Variants in MAPK6 observed in about 807,000 individuals in gnomAD.
The protein encoded by MAPK6 is ERK-3.
In MAPK6, 19 loss-of-function variants were observed where a neutral mutation model predicts 59.3. That is an observed-to-expected ratio of 0.32 (90% CI 0.22 to 0.47). MAPK6 has a LOEUF of 0.47. Ranked by LOEUF, MAPK6 falls within the 20% of genes least tolerant of loss-of-function variation. The pLI is 1.00. For missense variants in MAPK6, 724 were observed against 847.9 expected, an observed-to-expected ratio of 0.85 and a Z score of 1.81; for synonymous variants, 316 against 290.3, an observed-to-expected ratio of 1.09 and a Z score of -0.90.
chr15:52,036,839 CT>C (rs1037724739), intron 1 of MAPK6, among the ~76,000 whole-genome samples: 1 of 151,550 alleles, frequency 6.6e-6, no homozygotes, highest in Non-Finnish European at 1.5e-5. Context: ...CTCCCCTCCC[CT>C]TTTTTTGTGA....
upstream of MAPK6, among the ~76,000 whole-genome samples, chr15:52,016,070 G>GCGCGCGCACACA: frequency 0.012 from 666 of 55,440 alleles, 23 homozygotes; most frequent in South Asian, 0.018. Context: ...GCGCGCGCGC[G>GCGCGCGCACACA]CACACACACA....
intron 2 of MAPK6, among the ~76,000 whole-genome samples, chr15:51,997,590 C>CT (rs747963086): frequency 0.04 from 5,339 of 135,038 alleles, 253 homozygotes; most frequent in African/African-American, 0.094. Flanking sequence ...TTCTTTCTTT[C>CT]TTTTTTTTTT....
At chr15:52,024,402 C>CTT (rs1197373755) in intron 1 of MAPK6, among the ~76,000 whole-genome samples, 8 of 139,240 alleles carry the variant, frequency 5.7e-5, no homozygotes, top group African/African-American at 1.0e-4. Flanking sequence ...TTTTCTTTTT[C>CTT]TTTTTTTTTT....
At chr15:52,017,944 C>T (rs1197980672), upstream of MAPK6, 1 of 152,156 alleles carries the variant, frequency 6.6e-6, no homozygotes, top group Non-Finnish European at 1.5e-5. Flanking sequence ...ATTACCTCTT[C>T]TTCACACCTG....
chr15:52,022,682 A>T (rs2030582550), intron 1 of MAPK6, among the ~76,000 whole-genome samples: 1 of 152,166 alleles, frequency 6.6e-6, no homozygotes, highest in South Asian at 2.1e-4. Flanking sequence ...AAAATTTCCT[A>T]CTAGAGGAAA....
chr15:52,029,298 A>G (rs1343333633), intron 1 of MAPK6, among the ~76,000 whole-genome samples: 3 of 152,030 alleles, frequency 2.0e-5, no homozygotes, highest in African/African-American at 4.8e-5. Flanking sequence ...GGCATAAGCC[A>G]CTGCACCTAG....
intron 3 of MAPK6, among the ~76,000 whole-genome samples, chr15:52,057,941 C>T (rs536850918): frequency 3.3e-5 from 5 of 152,284 alleles, no homozygotes; most frequent in Non-Finnish European, 5.9e-5. Flanking sequence ...TGTTTTGTTT[C>T]ATAACTGTAT....
chr15:52,011,675 A>C (rs887343793), intron 3 of MAPK6, among the ~76,000 whole-genome samples: 1 of 152,198 alleles, frequency 6.6e-6, no homozygotes, highest in Non-Finnish European at 1.5e-5. Context: ...TTCCCCTAGG[A>C]GCAGGGTTCA....
intron 2 of MAPK6, among the ~76,000 whole-genome samples, chr15:51,996,121 TACCTTC>T (rs1292095730): frequency 1.1e-4 from 16 of 152,184 alleles, no homozygotes; most frequent in African/African-American, 3.9e-4. Context: ...ATTATCCATT[TACCTTC>T]ACAACAAGGC....
chr15:52,025,115 C>T (rs1355211277), intron 1 of MAPK6, among the ~76,000 whole-genome samples: 1 of 152,014 alleles, frequency 6.6e-6, no homozygotes, highest in Non-Finnish European at 1.5e-5. Flanking sequence ...GTGGTGCACA[C>T]CTTTAGTCCC....
At chr15:51,998,274 G>T (rs1274930573) in intron 2 of MAPK6, among the ~76,000 whole-genome samples, 2 of 149,042 alleles carry the variant, frequency 1.3e-5, no homozygotes, top group Non-Finnish European at 3.0e-5. Context: ...GCACAATCTC[G>T]GCTCACTGCA....
Position 52,066,689 on chromosome 15 carries a change from AATTCT to A in MAPK6, c.*1693_*1697del, listed in dbSNP as rs2032430681. ...TTTCATCCTTGTTTTGTACAACACC[AATTCT>A]ATTAATATCTGCCCACCTACCTTCT... On this transcript the variant is annotated 3_prime_UTR_variant, in exon 6 of 6. Transcript: ENST00000261845. The A allele has an allele frequency of 1.3e-5, 2 of 151,796 alleles. No individual in the cohort carries two copies. The highest frequency in any genetic ancestry group is 1.9e-4 in the East Asian group (1 of 5,166). The allele number at this position is 151,796 out of a possible 1,614,324, so 9.4% of individuals were successfully genotyped here. A position where few individuals can be genotyped will look rare whatever the true frequency, so the allele number is the denominator to read the frequency against.
chr15:52,007,466 A>T (rs1175806264), intron 3 of MAPK6, among the ~76,000 whole-genome samples: 1 of 152,226 alleles, frequency 6.6e-6, no homozygotes, highest in Non-Finnish European at 1.5e-5. Context: ...GACTTGTTAC[A>T]GTGTTTTAAA....
intron 1 of MAPK6, among the ~76,000 whole-genome samples, chr15:52,039,333 C>A (rs1362437934): frequency 6.6e-6 from 1 of 152,044 alleles, no homozygotes; most frequent in Non-Finnish European, 1.5e-5. Flanking sequence ...TGTAAGTCAT[C>A]CATACTGGAA....
In MAPK6 at chr15:52,057,824, G is replaced by A. The variant is rs189143055; in HGVS notation, c.701-809G>A. 7.9e-5 allele frequency among the ~76,000 whole-genome samples: 12 copies of A among 152,228 alleles called. No homozygotes were observed. The East Asian group carries it at 2.3e-3, about 29-fold the overall frequency. On this transcript the variant is annotated intron_variant, in intron 3 of 5. Transcript: ENST00000261845. Reference sequence around the variant, plus strand: ...CTTCCCAACAGTGCCATCACCCTTAGCTTACTCTCTTTTTCTTTATAGCAT... The same window carrying A: ...CTTCCCAACAGTGCCATCACCCTTAACTTACTCTCTTTTTCTTTATAGCAT...
At chr15:52,032,931 C>T (rs765420497) in intron 1 of MAPK6, among the ~76,000 whole-genome samples, 2 of 150,614 alleles carry the variant, frequency 1.3e-5, no homozygotes, top group African/African-American at 2.4e-5. Context: ...GTGATCTGCC[C>T]GCTTCAGCCT....
intron 1 of MAPK6, among the ~76,000 whole-genome samples, chr15:51,972,705 C>T (rs2057138931): frequency 6.7e-6 from 1 of 150,256 alleles, no homozygotes; most frequent in Admixed American, 6.6e-5. Flanking sequence ...GCCTGTCGTC[C>T]CAGCTACTAG....
chr15:52,003,428 A>G lies in MAPK6; in HGVS notation c.-769-837A>G, dbSNP rs1003321059. On this transcript the variant is annotated intron_variant, in intron 2 of 7. Transcript: ENST00000691380. ...CTTGATCAGTCATCAGATTTGGGCAACCCAGAAAAGGCACATCTTCTTGGG... is the reference window on the plus strand; with the variant it reads ...CTTGATCAGTCATCAGATTTGGGCAGCCCAGAAAAGGCACATCTTCTTGGG... Among the ~76,000 whole-genome samples, 7 of 152,166 alleles carry G rather than the reference A, an allele frequency of 4.6e-5. No homozygotes were observed. The South Asian group carries it at 1.0e-3, about 23-fold the overall frequency.
At chr15:52,041,260 G>A (rs766083782) in intron 1 of MAPK6, among the ~76,000 whole-genome samples, 8 of 152,084 alleles carry the variant, frequency 5.3e-5, no homozygotes, top group African/African-American at 1.9e-4. Flanking sequence ...GCAATGGCGC[G>A]ATCTCGGCTC....
Sources: gnomAD v4.1 joint callset for allele counts (sites outside exome capture counted in the v4.1 genomes callset) on GRCh38, gnomAD v4.1.1 for gene constraint, MANE v1.5 for transcripts, NCBI Gene and HGNC (gene_info 2026-07-23, HGNC 2026-07-21) for gene names.